The following LMBR1 variants were observed in gnomAD, a reference collection of about 807,000 sequenced individuals.
LMBR1 encodes limb region 1 protein homolog.
Under a neutral mutation model 73.9 loss-of-function variants are expected in LMBR1, and 52 were observed. That is an observed-to-expected ratio of 0.70 (90% CI 0.56 to 0.89). The LOEUF (loss-of-function observed/expected upper bound fraction) is 0.89, where lower values mean the gene tolerates loss of function less well. Among genes scored for constraint, LMBR1 ranks in the 40% least tolerant of loss-of-function variants. The pLI is 0.00. For missense variants in LMBR1, 539 were observed against 579.8 expected (o/e 0.93, Z 0.72); for synonymous variants, 215 against 209.4 (o/e 1.03, Z -0.23).
At chr7:156,816,605 G>C (rs1833958831) in intron 4 of LMBR1, among the ~76,000 whole-genome samples, 2 of 152,072 alleles carry the variant, frequency 1.3e-5, no homozygotes, top group Non-Finnish European at 2.9e-5. Flanking sequence ...AAGTTTATTA[G>C]CCAGAATAAA....
intron 15 of LMBR1, 119 bp from the exon 16 acceptor site, chr7:156,688,310 A>T: frequency 1.5e-6 from 1 of 651,334 alleles, no homozygotes; most frequent in Non-Finnish European, 2.5e-6. Flanking sequence ...GTGACGTGAG[A>T]TGCTCTAATG....
intron 1 of LMBR1, among the ~76,000 whole-genome samples, chr7:156,841,383 T>C (rs117367884): frequency 0.011 from 1,634 of 152,218 alleles, 21 homozygotes; most frequent in Non-Finnish European, 0.017. Context: ...CTTAGAATCA[T>C]CTGCAGATGA....
chr7:156,764,032 T>C lies in LMBR1; in HGVS notation c.424-237A>G, dbSNP rs115905286. 6.2e-3 allele frequency among the ~76,000 whole-genome samples: 944 copies of C among 152,340 alleles called. 7 individuals carry two copies. Among genetic ancestry groups the C allele is most frequent in the African/African-American group, 0.021 (862 of 41,572 alleles). On this transcript the variant is annotated intron_variant, in intron 5 of 16. Transcript: ENST00000353442. ...AAAAAAATTCTTCATAAAAAACATCTGCAGAGCCATTTTTAACAATTACTT... is the reference window on the plus strand; with the variant it reads ...AAAAAAATTCTTCATAAAAAACATCCGCAGAGCCATTTTTAACAATTACTT...
intron 1 of LMBR1, among the ~76,000 whole-genome samples, chr7:156,873,018 G>T (rs1424419487): frequency 6.6e-6 from 1 of 152,146 alleles, no homozygotes; most frequent in African/African-American, 2.4e-5. Flanking sequence ...TCTTAAGGTG[G>T]CGCGTTGGCA....
chr7:156,864,995 CAAAAAAA>C (rs1183278800), intron 1 of LMBR1, among the ~76,000 whole-genome samples: 1 of 95,292 alleles, frequency 1.0e-5, no homozygotes, highest in Non-Finnish European at 2.1e-5. Flanking sequence ...GACTCTGTCT[CAAAAAAA>C]AAAAAAAAAA....
chr7:156,693,655 C>A (rs900554174), intron 15 of LMBR1, among the ~76,000 whole-genome samples: 39 of 152,260 alleles, frequency 2.6e-4, no homozygotes, highest in African/African-American at 9.1e-4. Context: ...TCAAAACTTT[C>A]CAGCAAAGAA....
intron 1 of LMBR1, among the ~76,000 whole-genome samples, chr7:156,864,274 A>T (rs1317852230): frequency 6.6e-6 from 1 of 152,266 alleles, no homozygotes; most frequent in East Asian, 1.9e-4. Flanking sequence ...ACTCTTGTTC[A>T]TAAACATAAT....
rs550135191 is a variant in LMBR1, at chr7:156,680,876, T to C, written c.*3202A>G. 4.6e-5 allele frequency: 11 copies of C among 236,802 alleles called. No individual in the cohort carries two copies. The South Asian group carries it at 5.4e-4, about 12-fold the overall frequency. 14.7% of individuals were successfully genotyped at this position (236,802 alleles called of 1,614,324 possible). A position where few individuals can be genotyped will look rare whatever the true frequency, so the allele number is the denominator to read the frequency against. On this transcript the variant is annotated 3_prime_UTR_variant, in exon 17 of 17. Transcript: ENST00000353442. Reference sequence around the variant, plus strand: ...CATATAAATGCTTATAAACCAAATATGAAATCACTTTTTGTACAACTTTTA... The same window carrying C: ...CATATAAATGCTTATAAACCAAATACGAAATCACTTTTTGTACAACTTTTA...
chr7:156,728,194 A>G (rs1816147376), intron 11 of LMBR1, among the ~76,000 whole-genome samples, 187 bp from the exon 12 acceptor site: 1 of 152,240 alleles, frequency 6.6e-6, no homozygotes, highest in African/African-American at 2.4e-5. Context: ...TCTGCAAGTT[A>G]TTGTCATTTC....
chr7:156,694,251 G>A (rs1807824377), intron 15 of LMBR1, among the ~76,000 whole-genome samples: 1 of 152,058 alleles, frequency 6.6e-6, no homozygotes, highest in Non-Finnish European at 1.5e-5. Context: ...TCCCACCTCA[G>A]CCTTCCAGGT....
chr7:156,691,663 G>A (rs1259655521), intron 15 of LMBR1, among the ~76,000 whole-genome samples: 1 of 151,960 alleles, frequency 6.6e-6, no homozygotes, highest in Non-Finnish European at 1.5e-5. Flanking sequence ...ATATATGTTG[G>A]CATTTACACA....
intron 1 of LMBR1, among the ~76,000 whole-genome samples, chr7:156,877,926 A>G (rs1458596945): frequency 6.6e-6 from 1 of 152,012 alleles, no homozygotes; most frequent in Non-Finnish European, 1.5e-5. Flanking sequence ...GTGATACACC[A>G]CACGAACAGA....
chr7:156,861,733 C>A (rs1280823769), intron 1 of LMBR1, among the ~76,000 whole-genome samples: 1 of 152,218 alleles, frequency 6.6e-6, no homozygotes, highest in Non-Finnish European at 1.5e-5. Context: ...AATCATCTCT[C>A]TCAAGTTCAA....
intron 14 of LMBR1, among the ~76,000 whole-genome samples, chr7:156,724,917 A>C (rs933940218): frequency 9.9e-5 from 15 of 152,174 alleles, no homozygotes; most frequent in Admixed American, 8.5e-4. Flanking sequence ...TATTTTATAA[A>C]GATTCAGTCA....
chr7:156,810,114 T>C (rs1225894996), intron 4 of LMBR1, among the ~76,000 whole-genome samples: 1 of 151,876 alleles, frequency 6.6e-6, no homozygotes, highest in Non-Finnish European at 1.5e-5. Flanking sequence ...TTCTACAGGC[T>C]GTACAAGAAG....
chr7:156,828,451 T>C (rs1335585061), intron 3 of LMBR1, among the ~76,000 whole-genome samples: 1 of 152,208 alleles, frequency 6.6e-6, no homozygotes, highest in Non-Finnish European at 1.5e-5. Flanking sequence ...TTTCTAATTG[T>C]GGTAGTAAGA....
At chr7:156,770,114 G>A (rs535601691) in intron 5 of LMBR1, among the ~76,000 whole-genome samples, 1 of 152,038 alleles carries the variant, frequency 6.6e-6, no homozygotes, top group African/African-American at 2.4e-5. Context: ...TCCCTTATAG[G>A]GAATATACCT....
At chr7:156,773,988 A>G (rs1169289426) in intron 5 of LMBR1, among the ~76,000 whole-genome samples, 1 of 149,990 alleles carries the variant, frequency 6.7e-6, no homozygotes, top group Non-Finnish European at 1.5e-5. Context: ...TCTAATGTCC[A>G]GAATCTATAA....
At chr7:156,719,720 T>G (rs1212751285) in intron 15 of LMBR1, among the ~76,000 whole-genome samples, 1 of 152,088 alleles carries the variant, frequency 6.6e-6, no homozygotes, top group African/African-American at 2.4e-5. Context: ...AAGGCTACAG[T>G]AACCAAAACA....
Sources: allele counts gnomAD v4.1 joint callset (sites outside exome capture counted in the v4.1 genomes callset), GRCh38; gene constraint gnomAD v4.1.1; transcripts MANE v1.5; gene names NCBI Gene and HGNC (gene_info 2026-07-23, HGNC 2026-07-21).